RARB: variants seen among roughly 807,000 people sequenced by gnomAD.
The protein encoded by RARB is HBV-activated protein.
A neutral mutation model predicts 51.9 loss-of-function variants in RARB; 17 were observed. The ratio of observed to expected loss-of-function variants is 0.33; its 90% CI spans 0.22 to 0.49. The LOEUF is 0.49. Among genes scored for constraint, RARB ranks in the 20% least tolerant of loss-of-function variants. The pLI, the probability that RARB is intolerant of heterozygous loss-of-function variation, is 0.99. For missense variants in RARB, 369 were observed against 550.8 expected, an observed-to-expected ratio of 0.67 and a Z score of 3.30; for synonymous variants, 215 against 195.4, an observed-to-expected ratio of 1.10 and a Z score of -0.84.
chr3:25,447,031 T>G (rs979186048), intron 1 of RARB, among the ~76,000 whole-genome samples: 2 of 150,942 alleles, frequency 1.3e-5, no homozygotes, highest in African/African-American at 4.9e-5. Context: ...AAAAAAAAAC[T>G]GATCGTGTTA....
intron 5 of RARB, among the ~76,000 whole-genome samples, chr3:25,303,985 C>T (rs754810446): frequency 7.2e-5 from 11 of 152,124 alleles, no homozygotes; most frequent in African/African-American, 2.2e-4. Flanking sequence ...GAACACTGAA[C>T]GGCCCCAAAG....
chr3:25,531,388 G>GTAGA (rs142863604), intron 3 of RARB, among the ~76,000 whole-genome samples: 8,508 of 145,404 alleles, frequency 0.059, 314 homozygotes, highest in East Asian at 0.16. Context: ...AGATAGATAG[G>GTAGA]TAGATAGATA....
At chr3:25,090,867 G>T (rs1308654328) in intron 3 of RARB, among the ~76,000 whole-genome samples, 1 of 152,050 alleles carries the variant, frequency 6.6e-6, no homozygotes, top group African/African-American at 2.4e-5. Context: ...TTTTTCATGT[G>T]GGGGAAAGAG....
intron 4 of RARB, among the ~76,000 whole-genome samples, chr3:25,575,547 T>C (rs1205713089): frequency 2.6e-5 from 4 of 152,204 alleles, no homozygotes; most frequent in African/African-American, 9.7e-5. Context: ...TTCTTGCCTC[T>C]TGTAGCTTCT....
At chr3:25,236,956 A>T (rs1250599318) in intron 5 of RARB, among the ~76,000 whole-genome samples, 1 of 112,836 alleles carries the variant, frequency 8.9e-6, no homozygotes, top group Non-Finnish European at 1.9e-5. Context: ...CTGTTCTCTT[A>T]TCCTGTTTCT....
Position 25,079,551 on chromosome 3 carries a change from G to T in RARB, c.-328+19375G>T, listed in dbSNP as rs1000259256. Among the ~76,000 whole-genome samples, 4 of 152,114 alleles carry T rather than the reference G, an allele frequency of 2.6e-5. No individual in the cohort carries two copies. The East Asian group carries it at 7.7e-4, about 29-fold the overall frequency. ...TGCTAACCTTTTATTAAGTTAAGAG[G>T]GTTCCCTCTCAATTTCTAGTTTGCT... is the stretch of plus-strand genomic sequence containing the variant. On this transcript the variant is annotated intron_variant, in intron 3 of 11. Coordinates refer to the RARB transcript ENST00000383772.
intron 5 of RARB, among the ~76,000 whole-genome samples, chr3:25,247,508 G>A (rs1318765717): frequency 6.6e-6 from 1 of 152,210 alleles, no homozygotes; most frequent in East Asian, 1.9e-4. Context: ...GAAAAGCCTA[G>A]TATCTGGGCC....
chr3:25,114,094 C>G (rs1416753000), intron 3 of RARB, among the ~76,000 whole-genome samples: 2 of 152,298 alleles, frequency 1.3e-5, no homozygotes, highest in Non-Finnish European at 2.9e-5. Flanking sequence ...AAGAATGCAA[C>G]TTGCATCATC....
chr3:25,594,336 G>C (rs193063146), intron 6 of RARB, among the ~76,000 whole-genome samples, 184 bp from the exon 7 acceptor site: 1 of 152,092 alleles, frequency 6.6e-6, no homozygotes, highest in Non-Finnish European at 1.5e-5. Context: ...TACTACCAAG[G>C]GGGGGCAGTT....
chr3:25,475,727 A>C (rs1695914553), intron 2 of RARB, among the ~76,000 whole-genome samples: 1 of 152,168 alleles, frequency 6.6e-6, no homozygotes, highest in African/African-American at 2.4e-5. Context: ...CTGACCAATA[A>C]CATTCTAAAG....
chr3:25,511,695 C>T (rs1697904442), intron 3 of RARB, among the ~76,000 whole-genome samples: 3 of 152,016 alleles, frequency 2.0e-5, no homozygotes, highest in African/African-American at 7.3e-5. Context: ...TGGCCTGAGC[C>T]CTCTCAGAGT....
chr3:25,428,910 C>A, intron 1 of RARB, 22 bp downstream of exon 1: 2 of 1,573,128 alleles, frequency 1.3e-6, no homozygotes, highest in Admixed American at 1.8e-5. Flanking sequence ...TTTTTCCCTT[C>A]TTCTACCAAG....
chr3:25,546,522 G>A (rs1699623789), intron 3 of RARB, among the ~76,000 whole-genome samples: 1 of 152,268 alleles, frequency 6.6e-6, no homozygotes, highest in East Asian at 1.9e-4. Flanking sequence ...CAAGGTAGCT[G>A]TGGAAATTGA....
At chr3:24,839,079 A>G (rs940646807) in intron 1 of RARB, among the ~76,000 whole-genome samples, 2 of 152,178 alleles carry the variant, frequency 1.3e-5, no homozygotes, top group Admixed American at 1.3e-4. Flanking sequence ...TGAGTAAAAA[A>G]GTATTTAATA....
chr3:25,127,627 G>C (rs1027021090), intron 3 of RARB, among the ~76,000 whole-genome samples: 4 of 152,030 alleles, frequency 2.6e-5, no homozygotes, highest in African/African-American at 4.8e-5. Flanking sequence ...GTAAAGGGGA[G>C]GAGAGTGATG....
intron 3 of RARB, among the ~76,000 whole-genome samples, chr3:25,560,541 C>T (rs1004489031): frequency 1.3e-5 from 2 of 152,168 alleles, no homozygotes; most frequent in African/African-American, 4.8e-5. Flanking sequence ...CATAAATGTT[C>T]ACTAAGCCAA....
At chr3:25,157,430 G>A (rs1369461089) in intron 4 of RARB, among the ~76,000 whole-genome samples, 3 of 150,936 alleles carry the variant, frequency 2.0e-5, no homozygotes, top group African/African-American at 4.9e-5. Flanking sequence ...TTGAGACAGT[G>A]TCTCATCCTG....
At chr3:25,372,903 T>C (rs1355590901) in intron 5 of RARB, among the ~76,000 whole-genome samples, 2 of 152,152 alleles carry the variant, frequency 1.3e-5, no homozygotes, top group Non-Finnish European at 2.9e-5. Context: ...CAATATGCAT[T>C]GTAGGTAAAG....
At chr3:25,363,224 A>AGT (rs1375056108) in intron 5 of RARB, among the ~76,000 whole-genome samples, 1 of 152,182 alleles carries the variant, frequency 6.6e-6, no homozygotes, top group Non-Finnish European at 1.5e-5. Flanking sequence ...GTATAAGCGA[A>AGT]GTGTTATAAG....
Sources: gnomAD v4.1 joint callset for allele counts (sites outside exome capture counted in the v4.1 genomes callset) on GRCh38, gnomAD v4.1.1 for gene constraint, MANE v1.5 for transcripts, NCBI Gene and HGNC (gene_info 2026-07-23, HGNC 2026-07-21) for gene names.